The following HEATR5A variants were observed in gnomAD, a reference collection of about 807,000 sequenced individuals.
The protein encoded by HEATR5A is HEAT repeat-containing protein 5A.
In HEATR5A, 178 loss-of-function variants were observed where a neutral mutation model predicts 218.8. The ratio of observed to expected loss-of-function variants is 0.81; its 90% CI spans 0.72 to 0.92. The LOEUF (loss-of-function observed/expected upper bound fraction) is 0.92. HEATR5A is among the 40% of genes least tolerant of loss of function. HEATR5A has a pLI of 0.00. For synonymous variants in HEATR5A, 864 were observed against 871.6 expected, an observed-to-expected ratio of 0.99 and a Z score of 0.15; for missense variants, 2,420 against 2,418.9, an observed-to-expected ratio of 1.00 and a Z score of -0.01.
chr14:31,315,601 G>T (rs1379850467), intron 27 of HEATR5A, among the ~76,000 whole-genome samples, 169 bp downstream of exon 27: 3 of 152,188 alleles, frequency 2.0e-5, no homozygotes, highest in Admixed American at 1.3e-4. Context: ...TCTTTAAAAT[G>T]CTTGACTAAC....
At chr14:31,295,544 C>G (rs1165640795) in intron 34 of HEATR5A, 2 of 156,476 alleles carry the variant, frequency 1.3e-5, no homozygotes, top group Admixed American at 1.3e-4. Flanking sequence ...GCCACAGTGC[C>G]TGGCCTCCCT....
In HEATR5A at chr14:31,383,787, A is replaced by C. The variant is rs1178192970; in HGVS notation, c.1346-16T>G. 1 of 1,607,338 alleles carries C rather than the reference A, an allele frequency of 6.2e-7. No individual in the cohort carries two copies. Among genetic ancestry groups the C allele is most frequent in the Admixed American group, 1.7e-5 (1 of 59,120 alleles). Reference sequence around the variant, plus strand: ...TCAAGGAGACCTGGAAGGATAAACAAATGATGACTTAGGTACATAGATAAA... The same window carrying C: ...TCAAGGAGACCTGGAAGGATAAACACATGATGACTTAGGTACATAGATAAA... On this transcript the variant is annotated splice_polypyrimidine_tract_variant and intron_variant, in intron 9 of 35. Coordinates refer to ENST00000543095, the MANE Select transcript of HEATR5A (RefSeq NM_015473.4).
chr14:31,335,049 C>A (rs1336843987), intron 22 of HEATR5A, among the ~76,000 whole-genome samples: 1 of 151,916 alleles, frequency 6.6e-6, no homozygotes, highest in Non-Finnish European at 1.5e-5. Context: ...TGAGGCAAGA[C>A]CCTCTACCAG....
At position 31,386,543 on chromosome 14, in the gene HEATR5A, G is replaced by C; in HGVS notation, c.1222C>G (p.Arg408Gly). The change falls in exon 9 of 36, where the codon CGG becomes GGG. Residue 408 changes from arginine to glycine, a missense_variant. Physicochemically the swap from Arg to Gly is moderately radical, Grantham distance 125. Coordinates refer to ENST00000543095, the MANE Select transcript of HEATR5A (RefSeq NM_015473.4). ...AVMSDGNLETRLGSTDVAASQ... is the reference protein window; with the variant it reads ...AVMSDGNLETGLGSTDVAASQ... ...GCGGCTACATCTGTGGAACCAAGCC[G>C]GGTTTCCAAATTACCATCACTCATT... The C allele has an allele frequency of 6.3e-7, 1 of 1,599,184 alleles. No individual in the cohort carries two copies. The highest frequency in any genetic ancestry group is 1.3e-5 in the African/African-American group (1 of 74,162).
rs369886223 is a variant in HEATR5A at position 31,371,801 on chromosome 14, G to A, written c.1961+9C>T. 3.5e-5 allele frequency: 49 copies of A among 1,394,264 alleles called. No homozygotes were observed. Among genetic ancestry groups the A allele is most frequent in the Middle Eastern group, 1.8e-4 (1 of 5,666 alleles). 86.4% of individuals were successfully genotyped at this position (1,394,264 alleles called of 1,614,324 possible). ...GGGCAACTATCAAATCTAAACAGTCGATGCTTACTGAGTTAGCAAATCCAC... is the reference window on the plus strand; with the variant it reads ...GGGCAACTATCAAATCTAAACAGTCAATGCTTACTGAGTTAGCAAATCCAC... On this transcript the variant is annotated intron_variant, in intron 13 of 35. Transcript: ENST00000543095.
chr14:31,399,324 CAGCCCAAAGATT>C (rs2030782368), intron 3 of HEATR5A, among the ~76,000 whole-genome samples: 1 of 152,140 alleles, frequency 6.6e-6, no homozygotes, highest in Non-Finnish European at 1.5e-5. Flanking sequence ...CTCTACTATT[CAGCCCAAAGATT>C]ACACACCCTC....
At chr14:31,313,769 A>C (rs770651804) in intron 27 of HEATR5A, among the ~76,000 whole-genome samples, 3 of 152,216 alleles carry the variant, frequency 2.0e-5, no homozygotes, top group Non-Finnish European at 4.4e-5. Flanking sequence ...ATTTAAATCT[A>C]TATACACAAC....
At chr14:31,320,786 C>T (rs1282366352) in intron 25 of HEATR5A, among the ~76,000 whole-genome samples, 1 of 152,098 alleles carries the variant, frequency 6.6e-6, no homozygotes, top group Non-Finnish European at 1.5e-5. Context: ...ATGGAGGTCT[C>T]CCTATGATGC....
At chr14:31,310,034 A>G (rs1321026812) in intron 28 of HEATR5A, among the ~76,000 whole-genome samples, 1 of 152,080 alleles carries the variant, frequency 6.6e-6, no homozygotes, top group Non-Finnish European at 1.5e-5. Flanking sequence ...AAAACTGTTA[A>G]TACCACTAAT....
At chr14:31,415,802 C>T (rs557656733) in intron 1 of HEATR5A, among the ~76,000 whole-genome samples, 1 of 152,144 alleles carries the variant, frequency 6.6e-6, no homozygotes, top group East Asian at 1.9e-4. Context: ...CCTCCAAATG[C>T]AACAGAAAAG....
At chr14:31,309,859 C>T (rs1168501084) in intron 28 of HEATR5A, among the ~76,000 whole-genome samples, 9 of 151,628 alleles carry the variant, frequency 5.9e-5, no homozygotes, top group East Asian at 2.0e-4. Flanking sequence ...TGCACCACCA[C>T]GCCCAGCTAA....
chr14:31,310,705 T>G (rs1208391450), intron 28 of HEATR5A, among the ~76,000 whole-genome samples: 1 of 152,194 alleles, frequency 6.6e-6, no homozygotes, highest in Non-Finnish European at 1.5e-5. Context: ...ATTATGTTTT[T>G]AAGATTTACT....
At chr14:31,377,969 G>T (rs1902292458) in intron 11 of HEATR5A, among the ~76,000 whole-genome samples, 1 of 152,104 alleles carries the variant, frequency 6.6e-6, no homozygotes, top group Non-Finnish European at 1.5e-5. Context: ...ACTTCTTGTT[G>T]TCTTCCTCCA....
rs745728271 is a variant in HEATR5A at position 31,302,393 on chromosome 14, A to C, written c.5366T>G (p.Ile1789Arg). ...TGCCCGGGCCATGGGAGAAGATAATATTCCTTTTAGAGCCTGTAGGGAAGC... is the reference window on the plus strand; with the variant it reads ...TGCCCGGGCCATGGGAGAAGATAATCTTCCTTTTAGAGCCTGTAGGGAAGC... Reference protein sequence around the residue: ...VAASLQALKGILSSPMARAEK... With the variant: ...VAASLQALKGRLSSPMARAEK... Residue 1789 changes from isoleucine to arginine, a missense_variant, in exon 33 of 36, where the codon ATA becomes AGA. Coordinates refer to ENST00000543095, the MANE Select transcript of HEATR5A (RefSeq NM_015473.4). 1.4e-5 allele frequency: 22 copies of C among 1,602,406 alleles called. No homozygotes were observed. The highest frequency in any genetic ancestry group is 1.7e-5 in the Non-Finnish European group (20 of 1,174,252).
intron 21 of HEATR5A, chr14:31,340,308 G>T: frequency 2.7e-6 from 1 of 372,618 alleles, no homozygotes; most frequent in Non-Finnish European, 5.0e-6. Context: ...CACGAAACAT[G>T]CTACACATAC....
chr14:31,295,742 C>T (rs566851201), intron 34 of HEATR5A, among the ~76,000 whole-genome samples, 167 bp downstream of exon 34: 1 of 152,110 alleles, frequency 6.6e-6, no homozygotes, highest in African/African-American at 2.4e-5. Flanking sequence ...AACAAGACTA[C>T]TGTTATTTGG....
intron 4 of HEATR5A, among the ~76,000 whole-genome samples, chr14:31,395,866 G>C (rs1191735743): frequency 6.6e-6 from 1 of 152,306 alleles, no homozygotes; most frequent in Admixed American, 6.5e-5. Context: ...ATTATTTATT[G>C]GTTGGAACAG....
At chr14:31,416,061 C>T (rs1005424464) in intron 1 of HEATR5A, among the ~76,000 whole-genome samples, 1 of 152,000 alleles carries the variant, frequency 6.6e-6, no homozygotes, top group African/African-American at 2.4e-5. Flanking sequence ...AACGATTCTC[C>T]CACCTCAGCC....
chr14:31,326,682 G>GCC (rs561635373), intron 22 of HEATR5A, among the ~76,000 whole-genome samples: 177 of 151,928 alleles, frequency 1.2e-3, no homozygotes, highest in Middle Eastern at 6.8e-3. Context: ...CACTCTTGTT[G>GCC]CCCAGGCTAG....
Sources: allele counts gnomAD v4.1 joint callset (sites outside exome capture counted in the v4.1 genomes callset), GRCh38; gene constraint gnomAD v4.1.1; transcripts MANE v1.5; gene names NCBI Gene and HGNC (gene_info 2026-07-23, HGNC 2026-07-21).